Variants in TGFB2 observed in about 807,000 individuals in gnomAD.
TGFB2 encodes transforming growth factor beta-2 proprotein.
A neutral mutation model predicts 42.7 loss-of-function variants in TGFB2; 13 were observed. The ratio of observed to expected loss-of-function variants is 0.30; its 90% CI spans 0.20 to 0.48. The LOEUF (loss-of-function observed/expected upper bound fraction) is 0.48. Ranked by LOEUF, TGFB2 falls within the 20% of genes least tolerant of loss-of-function variation. The pLI is 0.99. For missense variants in TGFB2, 390 were observed against 517.5 expected (o/e 0.75, Z 2.39); for synonymous variants, 193 against 193.6 (o/e 1.00, Z 0.03).
chr1:218,398,733 G>A (rs1355193991), intron 1 of TGFB2, among the ~76,000 whole-genome samples: 12 of 151,872 alleles, frequency 7.9e-5, no homozygotes, highest in Admixed American at 3.3e-4. Context: ...GGCTATAGAC[G>A]CCTGCCACCA....
chr1:218,352,235 C>A (rs1656891744), intron 1 of TGFB2, among the ~76,000 whole-genome samples: 1 of 150,958 alleles, frequency 6.6e-6, no homozygotes, highest in Non-Finnish European at 1.5e-5. Flanking sequence ...CTTGATGTAG[C>A]ATTTCCGGTA....
chr1:218,429,048 T>C (rs748224476), intron 2 of TGFB2, among the ~76,000 whole-genome samples: 1 of 142,394 alleles, frequency 7.0e-6, no homozygotes, highest in Non-Finnish European at 1.5e-5. Flanking sequence ...TGGCACGATC[T>C]CAGCTCACTG....
At chr1:218,361,104 C>T (rs1357496778) in intron 1 of TGFB2, among the ~76,000 whole-genome samples, 4 of 152,212 alleles carry the variant, frequency 2.6e-5, no homozygotes, top group Admixed American at 6.5e-5. Context: ...CTGCCTGCCT[C>T]GGCCTCCCAA....
intron 1 of TGFB2, among the ~76,000 whole-genome samples, chr1:218,396,944 T>G (rs1034900286): frequency 6.6e-6 from 1 of 152,200 alleles, no homozygotes; most frequent in Non-Finnish European, 1.5e-5. Context: ...GTCTTACTCT[T>G]TTTTTCTAGG....
Position 218,424,075 on chromosome 1 carries a change from C to T in TGFB2, c.511-10007C>T, listed in dbSNP as rs147001673. Among the ~76,000 whole-genome samples, 711 of 152,304 alleles carry T rather than the reference C, an allele frequency of 4.7e-3. 12 individuals carry two copies. The highest frequency in any genetic ancestry group is 0.016 in the African/African-American group (683 of 41,566). ...ATTGATTGTCAGGTGGCCCAGATGG[C>T]CAGGACCCTTAGTCAATGAGTGAAA... On this transcript the variant is annotated intron_variant, in intron 2 of 6. Transcript: ENST00000366930.
At chr1:218,426,532 G>C (rs763901196) in intron 2 of TGFB2, among the ~76,000 whole-genome samples, 16 of 152,152 alleles carry the variant, frequency 1.1e-4, no homozygotes, top group Non-Finnish European at 1.9e-4. Context: ...AAGGCGATAT[G>C]TGGGTATTTC....
In TGFB2 at chr1:218,351,593, T is replaced by C. The variant is rs141426089; in HGVS notation, c.346+4546T>C. On this transcript the variant is annotated intron_variant, in intron 1 of 6. Transcript: ENST00000366930. The stretch of plus-strand genomic sequence containing the variant: ...ATAACGAAAGCAGTTGGGTCGTCTT[T>C]GTTGCCAAGTGAGGCCAGCCAGCTT... Among the ~76,000 whole-genome samples, 370 of 152,264 alleles carry C rather than the reference T, an allele frequency of 2.4e-3. 1 individual carries two copies. Among genetic ancestry groups the C allele is most frequent in the African/African-American group, 8.4e-3 (350 of 41,536 alleles).
At chr1:218,406,672 C>T (rs780650020) in intron 2 of TGFB2, among the ~76,000 whole-genome samples, 2 of 152,138 alleles carry the variant, frequency 1.3e-5, no homozygotes, top group Non-Finnish European at 2.9e-5. Context: ...CTATTAAAAC[C>T]TGATGGGGGA....
chr1:218,393,999 C>A (rs1160532259), intron 1 of TGFB2, among the ~76,000 whole-genome samples: 1 of 151,928 alleles, frequency 6.6e-6, no homozygotes, highest in Non-Finnish European at 1.5e-5. Flanking sequence ...CTCCACCTCC[C>A]GGGTTAACGC....
chr1:218,404,051 C>CAAAAA (rs35450089), intron 1 of TGFB2, among the ~76,000 whole-genome samples: 6 of 99,756 alleles, frequency 6.0e-5, no homozygotes, highest in African/African-American at 1.4e-4. Flanking sequence ...TGGCAGATTA[C>CAAAAA]AAAAAAAAAA....
chr1:218,364,560 G>T (rs1657325844), intron 1 of TGFB2, among the ~76,000 whole-genome samples: 1 of 152,174 alleles, frequency 6.6e-6, no homozygotes, highest in Non-Finnish European at 1.5e-5. Flanking sequence ...GCCCTGAGAA[G>T]GTTTGGATTA....
At chr1:218,377,537 CA>C (rs1558234581) in intron 1 of TGFB2, among the ~76,000 whole-genome samples, 1 of 152,194 alleles carries the variant, frequency 6.6e-6, no homozygotes, top group African/African-American at 2.4e-5. Context: ...GCTCCACCCC[CA>C]AATCAGCACT....
intron 1 of TGFB2, among the ~76,000 whole-genome samples, chr1:218,371,057 T>C (rs761454883): frequency 3.3e-5 from 5 of 152,164 alleles, no homozygotes; most frequent in Non-Finnish European, 5.9e-5. Flanking sequence ...CCCAGCTCTT[T>C]GGAAGGCCCG....
intron 1 of TGFB2, among the ~76,000 whole-genome samples, chr1:218,401,024 T>G (rs1558246063): frequency 6.6e-6 from 1 of 152,180 alleles, no homozygotes; most frequent in East Asian, 1.9e-4. Flanking sequence ...AATTCAAAAA[T>G]AAAATGATTG....
At chr1:218,424,028 G>A (rs1467968742) in intron 2 of TGFB2, among the ~76,000 whole-genome samples, 1 of 152,226 alleles carries the variant, frequency 6.6e-6, no homozygotes. Flanking sequence ...AACTCTAAGG[G>A]ACCACTGAGT....
intron 4 of TGFB2, among the ~76,000 whole-genome samples, chr1:218,435,536 A>G (rs1352110858): frequency 6.6e-6 from 1 of 152,182 alleles, no homozygotes; most frequent in Non-Finnish European, 1.5e-5. Context: ...TTCATTAGGA[A>G]AGTCTTTTGA....
chr1:218,354,404 G>C (rs1656965688), intron 1 of TGFB2, among the ~76,000 whole-genome samples: 1 of 152,210 alleles, frequency 6.6e-6, no homozygotes, highest in South Asian at 2.1e-4. Context: ...TAATAATGAA[G>C]GTGGTGATAA....
chr1:218,394,476 T>A (rs1020998412), intron 1 of TGFB2, among the ~76,000 whole-genome samples: 6 of 152,158 alleles, frequency 3.9e-5, no homozygotes, highest in Non-Finnish European at 7.3e-5. Context: ...ATTTTACTTT[T>A]TTTTTGCGCA....
chr1:218,400,483 G>C (rs1658680095), intron 1 of TGFB2, among the ~76,000 whole-genome samples: 1 of 152,144 alleles, frequency 6.6e-6, no homozygotes, highest in South Asian at 2.1e-4. Flanking sequence ...CCACAAGATT[G>C]ATAACACATT....
Sources: allele counts gnomAD v4.1 joint callset (sites outside exome capture counted in the v4.1 genomes callset), GRCh38; gene constraint gnomAD v4.1.1; transcripts MANE v1.5; gene names NCBI Gene and HGNC (gene_info 2026-07-23, HGNC 2026-07-21).